RECK: variants seen among roughly 807,000 people sequenced by gnomAD.
RECK encodes reversion-inducing cysteine-rich protein with Kazal motifs.
A neutral mutation model predicts 115.1 loss-of-function variants in RECK; 69 were observed. The ratio of observed to expected loss-of-function variants is 0.60; its 90% confidence interval spans 0.49 to 0.73. The LOEUF is 0.73. RECK is among the 30% of genes least tolerant of loss of function. The pLI, the probability that RECK is intolerant of heterozygous loss-of-function variation, is 0.00. For synonymous variants in RECK, 414 were observed against 419.7 expected (o/e 0.99, Z 0.17); for missense variants, 1,047 against 1,203.7 (o/e 0.87, Z 1.93).
At chr9:36,106,920 C>T (rs1312810851) in intron 13 of RECK, among the ~76,000 whole-genome samples, 9 of 150,888 alleles carry the variant, frequency 6.0e-5, no homozygotes, top group Non-Finnish European at 8.9e-5. Flanking sequence ...CTGACTAACG[C>T]GGTGAAACTC....
chr9:36,098,450 C>G (rs749713006), intron 10 of RECK, among the ~76,000 whole-genome samples: 2 of 152,192 alleles, frequency 1.3e-5, no homozygotes, highest in Admixed American at 1.3e-4. Flanking sequence ...TCCTCACCCT[C>G]ACAAGAATGC....
intron 16 of RECK, among the ~76,000 whole-genome samples, chr9:36,114,138 G>GC (rs1824165017): frequency 6.6e-6 from 1 of 152,136 alleles, no homozygotes; most frequent in South Asian, 2.1e-4. Context: ...GCTTTAATAG[G>GC]CCACATCTAA....
chr9:36,087,653 A>G, intron 8 of RECK, 41 bp from the exon 9 acceptor site: 1 of 1,586,722 alleles, frequency 6.3e-7, no homozygotes, highest in South Asian at 1.2e-5. Context: ...AAACAAACAA[A>G]AAAAACAGCT....
At chr9:36,086,681 A>C (rs1357242751) in intron 8 of RECK, among the ~76,000 whole-genome samples, 1 of 152,118 alleles carries the variant, frequency 6.6e-6, no homozygotes, top group Admixed American at 6.6e-5. Context: ...ATTTTTACAG[A>C]GTGCTGATTG....
chr9:36,082,418 C>T lies in RECK; in HGVS notation c.440-947C>T, dbSNP rs146662802. ...AGGCTGGTCTCAAACTCCTGGACTT[C>T]CAAAGTACTGGGATTATAGATGTGA... On this transcript the variant is annotated intron_variant, in intron 7 of 20. Transcript: ENST00000377966. Among the ~76,000 whole-genome samples, 1,437 of 151,948 alleles carry T rather than the reference C, an allele frequency of 9.5e-3. 12 individuals are homozygous for T. Among genetic ancestry groups the T allele is most frequent in the Non-Finnish European group, 0.015 (1,039 of 67,914 alleles).
At chr9:36,073,241 GACAC>G (rs778489595) in intron 6 of RECK, among the ~76,000 whole-genome samples, 1,615 of 67,524 alleles carry the variant, frequency 0.024, 13 homozygotes, top group Non-Finnish European at 0.042. Context: ...GACACACACA[GACAC>G]ACACACACAC....
At chr9:36,064,397 A>G (rs1322180039) in intron 5 of RECK, among the ~76,000 whole-genome samples, 1 of 152,150 alleles carries the variant, frequency 6.6e-6, no homozygotes, top group African/African-American at 2.4e-5. Context: ...TAGGTGCCTG[A>G]GTTTGTCCTC....
rs74363806 is a variant in RECK, at chr9:36,088,240, A to C, written c.905+279A>C. On this transcript the variant is annotated intron_variant, in intron 9 of 20. Coordinates refer to ENST00000377966, the MANE Select transcript of RECK (RefSeq NM_021111.3). ...TAAGATGATGCAATAGATGAATTCT[A>C]TCCTTATAGAGATCATTAAGTAAGC... Among the ~76,000 whole-genome samples, 311 of 152,348 alleles carry C rather than the reference A, an allele frequency of 2.0e-3. 2 individuals are homozygous for C. The highest frequency in any genetic ancestry group is 6.1e-3 in the Admixed American group (94 of 15,298).
At chr9:36,046,854 A>G (rs530678202) in intron 1 of RECK, among the ~76,000 whole-genome samples, 1 of 152,342 alleles carries the variant, frequency 6.6e-6, no homozygotes, top group South Asian at 2.1e-4. Flanking sequence ...ATACTCCCCT[A>G]TAGATTTGAC....
rs761649232 is a variant in RECK, at chr9:36,043,191, A to ATTTTTT, written c.100+6112_100+6117dup. On this transcript the variant is annotated intron_variant, in intron 1 of 20. Transcript: ENST00000377966. ...AGGCGCCTGCCACCACGCCTGGCTAATTTTTTTTTTTTTTTTTTTTTTTTG... is the reference window on the plus strand; with the variant it reads ...AGGCGCCTGCCACCACGCCTGGCTAATTTTTTTTTTTTTTTTTTTTTTTTTTTTTTG... 5.3e-3 allele frequency among the ~76,000 whole-genome samples: 287 copies of ATTTTTT among 53,980 alleles called. 18 individuals carry two copies. The highest frequency in any genetic ancestry group is 0.021 in the African/African-American group (259 of 12,224). The allele number at this position is 53,980 out of a possible 152,430, so 35.4% of individuals were successfully genotyped here.
chr9:36,117,211 T>C, intron 17 of RECK, 34 bp downstream of exon 17: 1 of 1,528,986 alleles, frequency 6.5e-7, no homozygotes, highest in Admixed American at 2.0e-5. Flanking sequence ...CAAAGTACAC[T>C]ACGGATAAAA....
At chr9:36,065,665 T>C in intron 6 of RECK, 41 bp downstream of exon 6, 1 of 1,438,744 alleles carries the variant, frequency 7.0e-7, no homozygotes, top group Non-Finnish European at 9.3e-7. Context: ...CCTATTCAGA[T>C]GTTATCAGAA....
intron 18 of RECK, 84 bp from the exon 19 acceptor site, chr9:36,120,579 T>A: frequency 1.7e-6 from 2 of 1,148,270 alleles, no homozygotes; most frequent in Non-Finnish European, 2.6e-6. Context: ...CTGCCCAAAA[T>A]GAAGGGCTGG....
At chr9:36,079,195 G>C (rs943834958) in intron 6 of RECK, among the ~76,000 whole-genome samples, 1 of 152,056 alleles carries the variant, frequency 6.6e-6, no homozygotes, top group East Asian at 1.9e-4. Flanking sequence ...TCGCCCAGCT[G>C]GTAGCTGACT....
intron 6 of RECK, among the ~76,000 whole-genome samples, chr9:36,068,286 A>G (rs1369179960): frequency 6.6e-6 from 1 of 152,232 alleles, no homozygotes; most frequent in Non-Finnish European, 1.5e-5. Context: ...AGAATAAATC[A>G]GAGATTCAAA....
In RECK at chr9:36,091,215, G is replaced by T. The variant is rs768136800; in HGVS notation, c.957G>T (p.Trp319Cys). 2.5e-6 allele frequency: 4 copies of T among 1,613,956 alleles called. No homozygotes were observed. The highest frequency in any genetic ancestry group is 3.4e-6 in the Non-Finnish European group (4 of 1,179,970). Residue 319 changes from tryptophan (W) to cysteine (C), a missense_variant, in exon 10 of 21, where the codon TGG (tryptophan) becomes TGT (cysteine). By Grantham distance (215) the Trp-to-Cys change is radical. Transcript: ENST00000377966. Reference protein sequence around the residue: ...YSMSWGNTQSWQEFDRFCEYN... With the variant: ...YSMSWGNTQSCQEFDRFCEYN... ...TGAGCTGGGGCAATACACAGAGTTG[G>T]CAAGAGTTTGATCGCTTTTGTGAAT...
rs1427009444 is a variant in RECK, at chr9:36,083,594, A to C, written c.637+32A>C. On this transcript the variant is annotated intron_variant, in intron 8 of 20. Transcript: ENST00000377966. ...AAAAGGGACATATTCTTCTCATTTC[A>C]ATCTTTGGTAAAATCGTTTGTAAAA... The C allele has an allele frequency of 2.5e-6, 4 of 1,589,360 alleles. No homozygotes were observed. In the African/African-American group the frequency reaches 5.4e-5, roughly 21 times the overall value.
In RECK at chr9:36,123,527, G is replaced by C. The variant is rs1158196875; in HGVS notation, c.*482G>C. The C allele has an allele frequency of 1.3e-5, 2 of 152,690 alleles. No individual in the cohort carries two copies. Among genetic ancestry groups the C allele is most frequent in the Non-Finnish European group, 2.9e-5 (2 of 68,412 alleles). 9.5% of individuals were successfully genotyped at this position (152,690 alleles called of 1,614,324 possible). ...CCAGTGAAGAGCCACTGCCATTAAA[G>C]AATATGAAACATAGATAAAACATCT... On this transcript the variant is annotated 3_prime_UTR_variant, in exon 21 of 21. Transcript: ENST00000377966.
chr9:36,080,568 G>A, intron 6 of RECK, 37 bp from the exon 7 acceptor site: 1 of 1,532,956 alleles, frequency 6.5e-7, no homozygotes, highest in East Asian at 2.3e-5. Flanking sequence ...CTCTCTGGTT[G>A]TTAATTTCTG....
Sources: gnomAD v4.1 joint callset for allele counts (sites outside exome capture counted in the v4.1 genomes callset) on GRCh38, gnomAD v4.1.1 for gene constraint, MANE v1.5 for transcripts, NCBI Gene and HGNC (gene_info 2026-07-23, HGNC 2026-07-21) for gene names.